MOB1B: variants seen among roughly 807,000 people sequenced by gnomAD.
The protein encoded by MOB1B is MOB1 Mps One Binder homolog B.
Under a neutral mutation model 24.4 loss-of-function variants are expected in MOB1B, and 19 were observed. The ratio of observed to expected loss-of-function variants is 0.78; its 90% confidence interval spans 0.54 to 1.14. The LOEUF (loss-of-function observed/expected upper bound fraction) is 1.14. Among genes scored for constraint, MOB1B ranks in the 50% most tolerant of loss-of-function variants. The pLI, the probability that MOB1B is intolerant of heterozygous loss-of-function variation, is 0.00. For missense variants in MOB1B, 243 were observed against 259.6 expected (o/e 0.94, Z 0.44); for synonymous variants, 76 against 82.1 (o/e 0.93, Z 0.40).
chr4:70,962,746 C>A (rs189344715), intron 2 of MOB1B, among the ~76,000 whole-genome samples: 1 of 152,250 alleles, frequency 6.6e-6, no homozygotes, highest in Non-Finnish European at 1.5e-5. Flanking sequence ...CGTCTGTAAT[C>A]CCAGCATTTT....
Position 70,923,777 on chromosome 4 carries a change from C to A in MOB1B, c.14+21227C>A, listed in dbSNP as rs6847068. ...ATCCTGGCTAACTCGATGAAACCCCCTCTCTACTAAAAATACAAAAAAATG... is the reference window on the plus strand; with the variant it reads ...ATCCTGGCTAACTCGATGAAACCCCATCTCTACTAAAAATACAAAAAAATG... On this transcript the variant is annotated intron_variant, in intron 1 of 5. Transcript: ENST00000309395. 2.6e-5 allele frequency among the ~76,000 whole-genome samples: 4 copies of A among 151,506 alleles called. No individual in the cohort carries two copies. The South Asian group carries it at 6.3e-4, about 24-fold the overall frequency.
At chr4:70,976,049 G>A (rs1738977698) in intron 4 of MOB1B, 1 of 266,004 alleles carries the variant, frequency 3.8e-6, no homozygotes, top group Non-Finnish European at 5.8e-6. Flanking sequence ...ACAGACGCGT[G>A]CCACCACGCC....
chr4:70,921,496 C>T (rs184170818), intron 1 of MOB1B, among the ~76,000 whole-genome samples: 2 of 127,136 alleles, frequency 1.6e-5, no homozygotes, highest in Admixed American at 8.2e-5. Context: ...CCTCCCCTCC[C>T]CTCCCCTCCC....
intron 1 of MOB1B, among the ~76,000 whole-genome samples, chr4:70,946,409 A>G (rs138614685): frequency 2.0e-5 from 3 of 152,336 alleles, no homozygotes; most frequent in Admixed American, 6.5e-5. Flanking sequence ...AAAGGTATCT[A>G]AGAGAAGACT....
chr4:70,982,289 T>A lies in MOB1B; in HGVS notation c.*232T>A. 3.0e-6 allele frequency: 1 copy of A among 338,462 alleles called. No individual in the cohort carries two copies. Among genetic ancestry groups the A allele is most frequent in the Admixed American group, 4.7e-5 (1 of 21,116 alleles). 21.0% of individuals were successfully genotyped at this position (338,462 alleles called of 1,614,324 possible). A position where few individuals can be genotyped will look rare whatever the true frequency, so the allele number is the denominator to read the frequency against. ...AAGGGTAAATTTATCTTAGTGTTTT[T>A]AAACTTGGTTTTGGTTACTTGAGGA... On this transcript the variant is annotated 3_prime_UTR_variant, in exon 6 of 6. Transcript: ENST00000309395.
intron 2 of MOB1B, among the ~76,000 whole-genome samples, chr4:70,967,921 C>T (rs1738601706): frequency 6.6e-6 from 1 of 152,188 alleles, no homozygotes; most frequent in African/African-American, 2.4e-5. Context: ...TTTGAACTTT[C>T]CTGGCTCAAG....
chr4:70,940,080 C>G (rs1415260482), intron 1 of MOB1B, among the ~76,000 whole-genome samples: 1 of 151,852 alleles, frequency 6.6e-6, no homozygotes, highest in African/African-American at 2.4e-5. Flanking sequence ...TCGATGTCCT[C>G]TTGACCTCCA....
At chr4:70,918,432 G>A (rs545495093) in intron 1 of MOB1B, among the ~76,000 whole-genome samples, 33 of 151,864 alleles carry the variant, frequency 2.2e-4, no homozygotes, top group African/African-American at 7.7e-4. Flanking sequence ...GCATTTCTCT[G>A]ATGGCCAGTG....
chr4:70,905,717 C>T (rs1735710694), intron 1 of MOB1B, among the ~76,000 whole-genome samples: 1 of 152,030 alleles, frequency 6.6e-6, no homozygotes, highest in South Asian at 2.1e-4. Context: ...GGTGGTGACT[C>T]ATGACTCTTG....
At chr4:70,917,534 G>A (rs921706770) in intron 1 of MOB1B, among the ~76,000 whole-genome samples, 3 of 152,178 alleles carry the variant, frequency 2.0e-5, no homozygotes, top group Non-Finnish European at 4.4e-5. Flanking sequence ...TCTCAGTTGT[G>A]AGATTATGAA....
rs748277810 is a variant in MOB1B at position 70,969,972 on chromosome 4, A to G, written c.223A>G (p.Ile75Val). 5.0e-6 allele frequency: 8 copies of G among 1,607,918 alleles called. No individual in the cohort carries two copies. The Middle Eastern group carries it at 5.0e-4, about 99-fold the overall frequency. Residue 75 changes from isoleucine (I) to valine (V), a missense_variant, in exon 3 of 6, where the codon ATC becomes GTC. By Grantham distance (29) the Ile-to-Val change is conservative (BLOSUM62 3). Coordinates refer to ENST00000309395, the MANE Select transcript of MOB1B (RefSeq NM_173468.4). ...FNQINMLYGT[I>V]TDFCTEESCP... ...TCAGATCAACATGCTTTATGGAACT[A>G]TCACAGACTTCTGTACAGAAGAGAG...
chr4:70,933,340 T>A (rs1736954592), intron 1 of MOB1B, among the ~76,000 whole-genome samples: 1 of 152,126 alleles, frequency 6.6e-6, no homozygotes, highest in South Asian at 2.1e-4. Flanking sequence ...ATCAATTATA[T>A]AGTATATTTA....
At chr4:70,930,601 T>C (rs1376988870) in intron 1 of MOB1B, among the ~76,000 whole-genome samples, 2 of 152,214 alleles carry the variant, frequency 1.3e-5, no homozygotes, top group Admixed American at 6.5e-5. Flanking sequence ...CAGAACACTC[T>C]ACCTTTTTTT....
chr4:70,935,325 A>G (rs1359709840), intron 1 of MOB1B, among the ~76,000 whole-genome samples: 3 of 152,210 alleles, frequency 2.0e-5, no homozygotes, highest in African/African-American at 4.8e-5. Context: ...AATCTGGGCA[A>G]TTCTCTAGGT....
At chr4:70,935,109 TG>T (rs1737029731) in intron 1 of MOB1B, among the ~76,000 whole-genome samples, 1 of 152,238 alleles carries the variant, frequency 6.6e-6, no homozygotes, top group South Asian at 2.1e-4. Context: ...TAAATTTTTT[TG>T]TAGAGATGAG....
chr4:70,928,287 T>C (rs928794575), intron 1 of MOB1B, among the ~76,000 whole-genome samples: 8 of 151,920 alleles, frequency 5.3e-5, no homozygotes, highest in African/African-American at 1.9e-4. Context: ...CAATGACATT[T>C]TCAAGAATTT....
At chr4:70,957,259 C>CAAAAAAAAAAAAAAAAAA (rs1247828205) in intron 1 of MOB1B, among the ~76,000 whole-genome samples, 1 of 63,510 alleles carries the variant, frequency 1.6e-5, no homozygotes, top group Non-Finnish European at 3.9e-5. Context: ...GACTATGTCT[C>CAAAAAAAAAAAAAAAAAA]AAAAAAAAAA....
chr4:70,902,084 G>A (rs1735530050), upstream of MOB1B, among the ~76,000 whole-genome samples: 1 of 152,170 alleles, frequency 6.6e-6, no homozygotes, highest in African/African-American at 2.4e-5. Flanking sequence ...GAGCGGCTCC[G>A]AGAGCTCTGC....
chr4:70,934,005 G>A (rs766757596), intron 1 of MOB1B, among the ~76,000 whole-genome samples: 77 of 152,092 alleles, frequency 5.1e-4, no homozygotes, highest in Non-Finnish European at 9.4e-4. Context: ...TGGTCAACAT[G>A]GCAAAGATCT....
Sources: allele counts gnomAD v4.1 joint callset (sites outside exome capture counted in the v4.1 genomes callset), GRCh38; gene constraint gnomAD v4.1.1; transcripts MANE v1.5; gene names NCBI Gene and HGNC (gene_info 2026-07-23, HGNC 2026-07-21).